The following SYT1 variants were observed in gnomAD, a reference collection of about 807,000 sequenced individuals.
SYT1 encodes synaptotagmin-1.
In SYT1, 8 loss-of-function variants were observed where a neutral mutation model predicts 44.8. That is an observed-to-expected ratio of 0.18 (90% CI 0.10 to 0.32). The LOEUF is 0.32. SYT1 is among the 10% of genes least tolerant of loss of function. The pLI is 1.00. For synonymous variants in SYT1, 154 were observed against 188.8 expected, an observed-to-expected ratio of 0.82 and a Z score of 1.51; for missense variants, 286 against 509.3, an observed-to-expected ratio of 0.56 and a Z score of 4.22.
intron 3 of SYT1, among the ~76,000 whole-genome samples, chr12:79,150,730 G>C (rs1031603173): frequency 6.6e-6 from 1 of 152,094 alleles, no homozygotes; most frequent in Non-Finnish European, 1.5e-5. Context: ...GGAATGATTG[G>C]GCATTCATAG....
At chr12:78,914,161 T>C (rs1011377370) in intron 1 of SYT1, among the ~76,000 whole-genome samples, 4 of 151,900 alleles carry the variant, frequency 2.6e-5, no homozygotes, top group African/African-American at 9.7e-5. Context: ...ATTCTGAGGA[T>C]ATACATATAT....
chr12:79,240,812 G>A (rs1876458926), intron 4 of SYT1, among the ~76,000 whole-genome samples: 1 of 152,166 alleles, frequency 6.6e-6, no homozygotes, highest in African/African-American at 2.4e-5. Flanking sequence ...ATTATATATT[G>A]CAAGGTGTTG....
At chr12:78,905,100 G>C (rs929182074) in intron 1 of SYT1, among the ~76,000 whole-genome samples, 1 of 152,058 alleles carries the variant, frequency 6.6e-6, no homozygotes, top group Non-Finnish European at 1.5e-5. Flanking sequence ...TGATTACTTG[G>C]TAAGGCAATT....
intron 2 of SYT1, among the ~76,000 whole-genome samples, chr12:78,998,624 T>A (rs960569108): frequency 3.9e-5 from 6 of 152,204 alleles, no homozygotes; most frequent in African/African-American, 1.2e-4. Context: ...GAATTAGTAG[T>A]GTTTAAGAGT....
intron 4 of SYT1, among the ~76,000 whole-genome samples, chr12:79,269,849 A>C (rs2138763662): frequency 6.6e-6 from 1 of 152,334 alleles, no homozygotes; most frequent in South Asian, 2.1e-4. Flanking sequence ...CCCTGGGGCC[A>C]AGAATTGGTA....
At chr12:79,053,479 C>A (rs1431716764) in intron 3 of SYT1, among the ~76,000 whole-genome samples, 2 of 151,550 alleles carry the variant, frequency 1.3e-5, no homozygotes, top group East Asian at 3.9e-4. Flanking sequence ...GCACATTGTG[C>A]ACACGCACCC....
chr12:78,937,467 T>C (rs1878124810), intron 1 of SYT1, among the ~76,000 whole-genome samples: 1 of 152,146 alleles, frequency 6.6e-6, no homozygotes, highest in African/African-American at 2.4e-5. Context: ...AGGATTATCA[T>C]TGAAACACAA....
chr12:79,332,749 A>G (rs866469920), intron 8 of SYT1, among the ~76,000 whole-genome samples: 70 of 152,312 alleles, frequency 4.6e-4, no homozygotes, highest in African/African-American at 1.6e-3. Flanking sequence ...ACGTTTCTTT[A>G]CATTGTTTCA....
intron 3 of SYT1, among the ~76,000 whole-genome samples, chr12:79,135,004 C>G (rs1294324837): frequency 6.6e-6 from 1 of 152,032 alleles, no homozygotes; most frequent in Admixed American, 6.6e-5. Context: ...CACACACACA[C>G]ACACAAATGG....
chr12:78,978,687 T>G (rs1869025056), intron 2 of SYT1, among the ~76,000 whole-genome samples: 1 of 152,202 alleles, frequency 6.6e-6, no homozygotes, highest in African/African-American at 2.4e-5. Context: ...GATCTTTATT[T>G]GGAGTCCCAT....
At chr12:79,243,306 T>C (rs1468354114) in intron 4 of SYT1, among the ~76,000 whole-genome samples, 1 of 152,206 alleles carries the variant, frequency 6.6e-6, no homozygotes, top group African/African-American at 2.4e-5. Context: ...TTAAATAGAA[T>C]TTCTTAAATT....
chr12:79,098,867 C>G (rs967632788), intron 3 of SYT1, among the ~76,000 whole-genome samples: 2 of 152,146 alleles, frequency 1.3e-5, no homozygotes, highest in Non-Finnish European at 2.9e-5. Context: ...ATTTTAGAAC[C>G]TGTGAACAGC....
At chr12:79,237,227 A>G (rs908920328) in intron 4 of SYT1, among the ~76,000 whole-genome samples, 4 of 152,228 alleles carry the variant, frequency 2.6e-5, no homozygotes, top group Non-Finnish European at 5.9e-5. Flanking sequence ...AATTTCAGAG[A>G]AGCTGGGTAA....
intron 9 of SYT1, among the ~76,000 whole-genome samples, chr12:79,363,606 A>T (rs1883414062): frequency 6.6e-6 from 1 of 151,522 alleles, no homozygotes; most frequent in South Asian, 2.1e-4. Context: ...ATGGTAGCGC[A>T]CACCTGTGGT....
chr12:79,324,941 C>T lies in SYT1; in HGVS notation c.810+25390C>T, dbSNP rs1014608860. Among the ~76,000 whole-genome samples the T allele has an allele frequency of 1.2e-4, 19 of 152,132 alleles. 1 individual carries two copies. The highest frequency in any genetic ancestry group is 3.8e-4 in the East Asian group (2 of 5,196). ...TAATCATATTAATCCAAAATACTTC[C>T]TTGAAGCATGGATTTTTAAAGCTTG... On this transcript the variant is annotated intron_variant, in intron 8 of 10. Coordinates refer to ENST00000261205, the MANE Select transcript of SYT1 (RefSeq NM_005639.3).
chr12:79,122,641 G>A lies in SYT1; in HGVS notation c.-18+75279G>A, dbSNP rs567606339. Among the ~76,000 whole-genome samples, 4 of 151,332 alleles carry A rather than the reference G, an allele frequency of 2.6e-5. No individual in the cohort carries two copies. The East Asian group carries it at 7.8e-4, about 29-fold the overall frequency. ...TATACCTAATTCAGATTCCAAATGT[G>A]ATGAGTAAGACACATTTTTCTGGTC... is the stretch of plus-strand genomic sequence containing the variant. On this transcript the variant is annotated intron_variant, in intron 3 of 10. Coordinates refer to ENST00000261205, the MANE Select transcript of SYT1 (RefSeq NM_005639.3).
chr12:78,981,097 T>G (rs1308753926), intron 2 of SYT1, among the ~76,000 whole-genome samples: 1 of 151,818 alleles, frequency 6.6e-6, no homozygotes, highest in Non-Finnish European at 1.5e-5. Flanking sequence ...GTTTTTGTGT[T>G]TTTTGTTGTT....
intron 3 of SYT1, among the ~76,000 whole-genome samples, chr12:79,070,298 AC>A (rs1876176870): frequency 6.6e-6 from 1 of 152,078 alleles, no homozygotes; most frequent in Non-Finnish European, 1.5e-5. Flanking sequence ...TTCTAACAAC[AC>A]TCTTGAGAGA....
intron 4 of SYT1, among the ~76,000 whole-genome samples, chr12:79,254,323 A>G (rs544043462): frequency 6.6e-6 from 1 of 152,316 alleles, no homozygotes; most frequent in African/African-American, 2.4e-5. Flanking sequence ...AAATGGAACA[A>G]CAAAGCTGGA....
Sources: allele counts gnomAD v4.1 joint callset (sites outside exome capture counted in the v4.1 genomes callset), GRCh38; gene constraint gnomAD v4.1.1; transcripts MANE v1.5; gene names NCBI Gene and HGNC (gene_info 2026-07-23, HGNC 2026-07-21).